C1orf21: variants seen among roughly 807,000 people sequenced by gnomAD.
C1orf21 encodes uncharacterized protein C1orf21.
C1orf21 carries 3 observed loss-of-function variants against 18.7 expected under a neutral mutation model. That is an observed-to-expected ratio of 0.16 (90% CI 0.07 to 0.42). C1orf21 has a LOEUF of 0.42. Among genes scored for constraint, C1orf21 ranks in the 10% least tolerant of loss-of-function variants. The pLI is 0.99. For synonymous variants in C1orf21, 41 were observed against 46.4 expected, an observed-to-expected ratio of 0.88 and a Z score of 0.47; for missense variants, 104 against 143.6, an observed-to-expected ratio of 0.72 and a Z score of 1.41.
Position 184,627,464 on chromosome 1 carries a change from G to A in C1orf21, c.*7908G>A, listed in dbSNP as rs1371750944. ...GAGGCTGGAGGCGTTGGTGCTGAAG[G>A]CAATTTTCCTAGCTAAGGGGCACTG... On this transcript the variant is annotated 3_prime_UTR_variant, in exon 6 of 6. Coordinates refer to ENST00000235307, the MANE Select transcript of C1orf21 (RefSeq NM_030806.4). 1.3e-5 allele frequency: 2 copies of A among 152,194 alleles called. No individual in the cohort carries two copies. Among genetic ancestry groups the A allele is most frequent in the Admixed American group, 6.5e-5 (1 of 15,268 alleles). 9.4% of individuals were successfully genotyped at this position (152,194 alleles called of 1,614,324 possible). A position where few individuals can be genotyped will look rare whatever the true frequency, so the allele number is the denominator to read the frequency against.
rs570769699 is a variant in C1orf21, at chr1:184,624,512, CT to C, written c.*4961del. ...CTTGTTGTTTCATCACAAACTGTAT[CT>C]TTTTAAGGTTAAAAGTCTTGACCTT... is the stretch of plus-strand genomic sequence containing the variant. On this transcript the variant is annotated 3_prime_UTR_variant, in exon 6 of 6. Coordinates refer to ENST00000235307, the MANE Select transcript of C1orf21 (RefSeq NM_030806.4). 3.9e-5 allele frequency: 6 copies of C among 152,156 alleles called. No individual in the cohort carries two copies. The highest frequency in any genetic ancestry group is 7.3e-5 in the Non-Finnish European group (5 of 68,036). The allele number at this position is 152,156 out of a possible 1,614,324, so 9.4% of individuals were successfully genotyped here.
intron 3 of C1orf21, among the ~76,000 whole-genome samples, chr1:184,581,906 G>A (rs1659282087): frequency 6.6e-6 from 1 of 152,172 alleles, no homozygotes; most frequent in Admixed American, 6.5e-5. Context: ...CCAAAAAGCT[G>A]AGACTTTACA....
At chr1:184,411,644 G>A (rs1656356429) in intron 1 of C1orf21, among the ~76,000 whole-genome samples, 1 of 151,970 alleles carries the variant, frequency 6.6e-6, no homozygotes, top group South Asian at 2.1e-4. Flanking sequence ...GGATGGTCTG[G>A]ATCTCCTGAC....
At chr1:184,420,223 AT>A (rs112817484) in intron 1 of C1orf21, among the ~76,000 whole-genome samples, 2,890 of 149,718 alleles carry the variant, frequency 0.019, 105 homozygotes, top group African/African-American at 0.066. Context: ...TGCTGGTCTC[AT>A]TTTTTTTTAA....
rs67546366 is a variant in C1orf21 at position 184,410,663 on chromosome 1, A to ATATTT, written c.-125+23296_-125+23297insATTTT. On this transcript the variant is annotated intron_variant, in intron 1 of 5. Coordinates refer to ENST00000235307, the MANE Select transcript of C1orf21 (RefSeq NM_030806.4). ...TATATATATATATATATATATATAT[A>ATATTT]TTTTTTTTTTTTTTTTTTGAGATGG... Among the ~76,000 whole-genome samples, 17 of 7,668 alleles carry ATATTT rather than the reference A, an allele frequency of 2.2e-3. 1 individual carries two copies. The highest frequency in any genetic ancestry group is 0.016 in the South Asian group (2 of 128). The allele number at this position is 7,668 out of a possible 152,430, so 5.0% of individuals were successfully genotyped here.
intron 3 of C1orf21, among the ~76,000 whole-genome samples, chr1:184,527,152 C>G (rs1658389430): frequency 6.6e-6 from 1 of 152,172 alleles, no homozygotes; most frequent in Admixed American, 6.5e-5. Context: ...GATGCTTAAT[C>G]CTTTGTACTT....
At chr1:184,484,706 G>A (rs932928407) in intron 2 of C1orf21, among the ~76,000 whole-genome samples, 2 of 152,182 alleles carry the variant, frequency 1.3e-5, no homozygotes, top group African/African-American at 2.4e-5. Flanking sequence ...CCTTTAAATG[G>A]AGGGGCTTAG....
intron 1 of C1orf21, among the ~76,000 whole-genome samples, chr1:184,395,077 C>T (rs1333579870): frequency 6.6e-6 from 1 of 152,182 alleles, no homozygotes; most frequent in Non-Finnish European, 1.5e-5. Flanking sequence ...ATCCCACCTC[C>T]TCCAAGGAGC....
intron 2 of C1orf21, among the ~76,000 whole-genome samples, chr1:184,493,502 T>A (rs1322499636): frequency 6.6e-6 from 1 of 152,198 alleles, no homozygotes; most frequent in African/African-American, 2.4e-5. Context: ...TACGTTTGAT[T>A]TTCATTTGAA....
At chr1:184,539,920 C>A (rs1186685097) in intron 3 of C1orf21, 1 of 152,238 alleles carries the variant, frequency 6.6e-6, no homozygotes, top group Non-Finnish European at 1.5e-5. Context: ...CTCTTTCAAT[C>A]TGCATTCCTG....
At chr1:184,503,693 A>G (rs952746139) in intron 2 of C1orf21, among the ~76,000 whole-genome samples, 4 of 152,126 alleles carry the variant, frequency 2.6e-5, no homozygotes, top group Non-Finnish European at 4.4e-5. Flanking sequence ...GTTCAACCCA[A>G]TAAAGATGTT....
chr1:184,460,287 C>G (rs79441936), intron 1 of C1orf21, among the ~76,000 whole-genome samples: 347 of 152,294 alleles, frequency 2.3e-3, no homozygotes, highest in African/African-American at 7.9e-3. Context: ...CTCATTTGAG[C>G]AACTGCTCCC....
At chr1:184,408,917 T>C (rs1357497284) in intron 1 of C1orf21, among the ~76,000 whole-genome samples, 1 of 152,138 alleles carries the variant, frequency 6.6e-6, no homozygotes, top group African/African-American at 2.4e-5. Context: ...TCACAATGCT[T>C]CCCCCAGAAC....
At chr1:184,451,462 ATTTTTTTTTTT>A (rs374550435) in intron 1 of C1orf21, among the ~76,000 whole-genome samples, 1 of 77,794 alleles carries the variant, frequency 1.3e-5, no homozygotes, top group Non-Finnish European at 2.6e-5. Flanking sequence ...GGCTAATTTA[ATTTTTTTTTTT>A]TTTTTTTTTT....
At chr1:184,609,764 A>G (rs1659700131) in intron 5 of C1orf21, among the ~76,000 whole-genome samples, 1 of 152,246 alleles carries the variant, frequency 6.6e-6, no homozygotes, top group Non-Finnish European at 1.5e-5. Flanking sequence ...ATTTTACAAG[A>G]TAACGTTAAG....
At chr1:184,609,768 C>A (rs573801761) in intron 5 of C1orf21, among the ~76,000 whole-genome samples, 1 of 151,846 alleles carries the variant, frequency 6.6e-6, no homozygotes, top group East Asian at 1.9e-4. Context: ...TACAAGATAA[C>A]GTTAAGTGAA....
At chr1:184,539,443 A>G (rs1219342256) in intron 3 of C1orf21, among the ~76,000 whole-genome samples, 2 of 152,172 alleles carry the variant, frequency 1.3e-5, no homozygotes, top group Admixed American at 6.6e-5. Flanking sequence ...ATATTGATCT[A>G]TAATTTTCTT....
chr1:184,463,244 G>A (rs964446078), intron 1 of C1orf21, among the ~76,000 whole-genome samples: 2 of 152,090 alleles, frequency 1.3e-5, no homozygotes, highest in African/African-American at 2.4e-5. Flanking sequence ...GCCAATCCTC[G>A]TGATCTCAGG....
intron 1 of C1orf21, among the ~76,000 whole-genome samples, chr1:184,428,393 G>T (rs1656674711): frequency 1.3e-5 from 2 of 152,282 alleles, no homozygotes; most frequent in Middle Eastern, 6.8e-3. Flanking sequence ...GGCAGGGAGG[G>T]ACCAGAAGAA....
Sources: gnomAD v4.1 joint callset for allele counts (sites outside exome capture counted in the v4.1 genomes callset) on GRCh38, gnomAD v4.1.1 for gene constraint, MANE v1.5 for transcripts, NCBI Gene and HGNC (gene_info 2026-07-23, HGNC 2026-07-21) for gene names.